Variants in SUCLG2 observed in about 807,000 individuals in gnomAD.
SUCLG2 encodes succinate--CoA ligase [GDP-forming] subunit beta, mitochondrial.
A neutral mutation model predicts 47.9 loss-of-function variants in SUCLG2; 42 were observed. That is an observed-to-expected ratio of 0.88 (90% CI 0.69 to 1.14). The LOEUF is 1.14. SUCLG2 is among the 50% of genes most tolerant of loss of function. The pLI is 0.00. For synonymous variants in SUCLG2, 195 were observed against 197.3 expected (o/e 0.99, Z 0.10); for missense variants, 571 against 525.9 (o/e 1.09, Z -0.84).
At chr3:67,425,213 C>T (rs1047851269) in intron 9 of SUCLG2, among the ~76,000 whole-genome samples, 2 of 152,158 alleles carry the variant, frequency 1.3e-5, no homozygotes, top group Non-Finnish European at 1.5e-5. Flanking sequence ...CCTTCTTGTA[C>T]TTAGCATCAT....
intron 2 of SUCLG2, among the ~76,000 whole-genome samples, chr3:67,536,162 AC>A (rs1231445149): frequency 1.3e-5 from 2 of 152,216 alleles, no homozygotes; most frequent in Non-Finnish European, 1.5e-5. Context: ...TGGTGTGCAC[AC>A]ACTCATATCC....
chr3:67,604,934 T>C (rs539393943), intron 2 of SUCLG2, among the ~76,000 whole-genome samples: 25 of 152,330 alleles, frequency 1.6e-4, no homozygotes, highest in African/African-American at 6.0e-4. Context: ...TTTACAAATC[T>C]TTCTAATTAA....
At chr3:67,421,692 T>C (rs190661086) in intron 9 of SUCLG2, among the ~76,000 whole-genome samples, 16 of 152,322 alleles carry the variant, frequency 1.1e-4, no homozygotes, top group African/African-American at 3.8e-4. Flanking sequence ...ATAGTATTCA[T>C]TGGGAGAAAG....
intron 1 of SUCLG2, among the ~76,000 whole-genome samples, chr3:67,621,625 G>A (rs1700738591): frequency 6.6e-6 from 1 of 152,086 alleles, no homozygotes. Context: ...ATGGATTAAT[G>A]GGTTAATGGA....
chr3:67,521,778 C>T (rs1024921835), intron 4 of SUCLG2, among the ~76,000 whole-genome samples: 24 of 151,920 alleles, frequency 1.6e-4, no homozygotes, highest in African/African-American at 5.3e-4. Context: ...TGCCACCATG[C>T]TTGGCTAATT....
chr3:67,592,961 T>G (rs989900340), intron 2 of SUCLG2, among the ~76,000 whole-genome samples: 2 of 152,174 alleles, frequency 1.3e-5, no homozygotes, highest in Non-Finnish European at 2.9e-5. Flanking sequence ...TTGCTTACTA[T>G]AGAAGCAAAC....
chr3:67,545,338 A>C (rs1706836353), intron 2 of SUCLG2, among the ~76,000 whole-genome samples: 1 of 152,222 alleles, frequency 6.6e-6, no homozygotes, highest in Non-Finnish European at 1.5e-5. Context: ...GGAGTTAAGC[A>C]GAAGCCAGGA....
intron 9 of SUCLG2, among the ~76,000 whole-genome samples, chr3:67,465,192 T>A (rs1439603334): frequency 2.0e-5 from 3 of 152,154 alleles, no homozygotes; most frequent in Admixed American, 1.3e-4. Context: ...CGTACTCCTA[T>A]CTTTGTCTAA....
chr3:67,613,177 C>T (rs765111872), intron 1 of SUCLG2, among the ~76,000 whole-genome samples: 5 of 152,174 alleles, frequency 3.3e-5, no homozygotes, highest in Non-Finnish European at 7.4e-5. Flanking sequence ...TTTAGTCCCG[C>T]TCTCTTCCCC....
intron 9 of SUCLG2, among the ~76,000 whole-genome samples, chr3:67,495,243 A>G (rs1287551947): frequency 6.6e-6 from 1 of 152,172 alleles, no homozygotes; most frequent in African/African-American, 2.4e-5. Context: ...CGACTGGCAC[A>G]CTGTATCTTT....
rs546313379 is a variant in SUCLG2 at position 67,412,364 on chromosome 3, T to G, written c.1063-11513A>C. Among the ~76,000 whole-genome samples, 13 of 152,294 alleles carry G rather than the reference T, an allele frequency of 8.5e-5. No individual in the cohort carries two copies. The South Asian group carries it at 2.1e-3, about 24-fold the overall frequency. ...TATTAGACTCCTTTTGCAAAAGGATTCCAGAATATCATATTCTCTGAGGCA... is the reference window on the plus strand; with the variant it reads ...TATTAGACTCCTTTTGCAAAAGGATGCCAGAATATCATATTCTCTGAGGCA... On this transcript the variant is annotated intron_variant, in intron 9 of 10. Transcript: ENST00000307227.
At chr3:67,594,894 T>C (rs1174342325) in intron 2 of SUCLG2, among the ~76,000 whole-genome samples, 1 of 152,220 alleles carries the variant, frequency 6.6e-6, no homozygotes, top group Non-Finnish European at 1.5e-5. Flanking sequence ...CATAACTTTT[T>C]TAAAACCAGA....
intron 9 of SUCLG2, among the ~76,000 whole-genome samples, chr3:67,442,511 T>G (rs186606820): frequency 3.7e-4 from 56 of 152,340 alleles, no homozygotes; most frequent in African/African-American, 1.3e-3. Flanking sequence ...GGGATTCTTA[T>G]GCACACTGCT....
At position 67,394,071 on chromosome 3, in the gene SUCLG2, A is replaced by T. The variant is rs1222925420; in HGVS notation, c.1183+6660T>A. The stretch of plus-strand genomic sequence containing the variant: ...AGTAGATAAAACCACAAAGATGGGG[A>T]AAAAACAGAGCAGAAAAACTGGAAA... On this transcript the variant is annotated intron_variant, in intron 10 of 10. Coordinates refer to ENST00000307227, the MANE Select transcript of SUCLG2 (RefSeq NM_003848.4). 1.3e-5 allele frequency among the ~76,000 whole-genome samples: 2 copies of T among 152,256 alleles called. 1 individual carries two copies. Among genetic ancestry groups the T allele is most frequent in the South Asian group, 4.2e-4 (2 of 4,774 alleles).
chr3:67,420,799 G>C (rs574301648), intron 9 of SUCLG2, among the ~76,000 whole-genome samples: 1 of 152,290 alleles, frequency 6.6e-6, no homozygotes, highest in East Asian at 1.9e-4. Flanking sequence ...GTGTGAGTGT[G>C]TGTGGGTATT....
intron 1 of SUCLG2, among the ~76,000 whole-genome samples, chr3:67,640,202 T>C (rs1450345): frequency 0.36 from 55,425 of 152,074 alleles, 10,389 homozygotes; most frequent in African/African-American, 0.43. Context: ...TATTGGATGC[T>C]GCATCCCTGC....
At chr3:67,644,017 A>C (rs1701148306) in intron 1 of SUCLG2, among the ~76,000 whole-genome samples, 1 of 152,256 alleles carries the variant, frequency 6.6e-6, no homozygotes, top group African/African-American at 2.4e-5. Flanking sequence ...ACCCACTGAA[A>C]GAATCAATGA....
intron 9 of SUCLG2, among the ~76,000 whole-genome samples, chr3:67,406,157 C>T (rs1702802482): frequency 1.3e-5 from 2 of 152,170 alleles, no homozygotes; most frequent in Admixed American, 1.3e-4. Flanking sequence ...CCAAATTAGG[C>T]AGCCTGTTTG....
intron 9 of SUCLG2, among the ~76,000 whole-genome samples, chr3:67,460,758 C>T (rs573472658): frequency 3.5e-4 from 53 of 152,220 alleles, no homozygotes; most frequent in African/African-American, 1.2e-3. Context: ...TACTTTAATA[C>T]TGATTTTGAT....
Sources: allele counts gnomAD v4.1 joint callset (sites outside exome capture counted in the v4.1 genomes callset), GRCh38; gene constraint gnomAD v4.1.1; transcripts MANE v1.5; gene names NCBI Gene and HGNC (gene_info 2026-07-23, HGNC 2026-07-21).